The following RBMS3 variants were observed in gnomAD, a reference collection of about 807,000 sequenced individuals.
The protein encoded by RBMS3 is RNA binding motif single stranded interacting protein 3, also known as RNA-binding motif, single-stranded-interacting protein 3.
A neutral mutation model predicts 66.8 loss-of-function variants in RBMS3; 27 were observed. The ratio of observed to expected loss-of-function variants is 0.40; its 90% CI spans 0.30 to 0.56. The LOEUF is 0.56. Ranked by LOEUF, RBMS3 falls within the 20% of genes least tolerant of loss-of-function variation. The probability of loss-of-function intolerance (pLI) is 0.40; values close to 1 mark genes in which losing one functional copy is unlikely to be tolerated. For synonymous variants in RBMS3, 188 were observed against 183.0 expected (o/e 1.03, Z -0.22); for missense variants, 513 against 549.5 (o/e 0.93, Z 0.66).
At chr3:29,581,800 G>A (rs1047214490) in intron 3 of RBMS3, among the ~76,000 whole-genome samples, 2 of 152,134 alleles carry the variant, frequency 1.3e-5, no homozygotes, top group Non-Finnish European at 2.9e-5. Flanking sequence ...TACACTCTGA[G>A]AGCAAGTCTC....
chr3:29,988,049 G>T, intron 12 of RBMS3, 94 bp from the exon 13 acceptor site: 3 of 983,236 alleles, frequency 3.1e-6, no homozygotes, highest in Non-Finnish European at 4.7e-6. Flanking sequence ...CTGGCTATGG[G>T]CCCCATAGCT....
intron 3 of RBMS3, among the ~76,000 whole-genome samples, chr3:29,496,926 T>C (rs1231408037): frequency 6.6e-6 from 1 of 152,228 alleles, no homozygotes; most frequent in African/African-American, 2.4e-5. Flanking sequence ...GTTTTAAGCA[T>C]CAACTTGTGT....
At chr3:29,964,326 A>G (rs1017640489) in intron 12 of RBMS3, among the ~76,000 whole-genome samples, 5 of 152,198 alleles carry the variant, frequency 3.3e-5, no homozygotes, top group Non-Finnish European at 5.9e-5. Flanking sequence ...GAGGACTCCA[A>G]CGTTTATTAA....
chr3:29,634,192 G>A (rs1181620375), intron 4 of RBMS3, among the ~76,000 whole-genome samples: 2 of 151,850 alleles, frequency 1.3e-5, no homozygotes, highest in African/African-American at 4.8e-5. Context: ...CTTTGAGGTG[G>A]ATTTTTACTA....
chr3:29,427,197 C>A (rs1051644204), intron 1 of RBMS3, among the ~76,000 whole-genome samples: 5 of 152,152 alleles, frequency 3.3e-5, no homozygotes, highest in African/African-American at 1.2e-4. Context: ...CAAACTGTTA[C>A]AAAAGACATA....
chr3:29,349,727 C>G (rs1264198475), intron 1 of RBMS3, among the ~76,000 whole-genome samples: 1 of 152,198 alleles, frequency 6.6e-6, no homozygotes, highest in Non-Finnish European at 1.5e-5. Flanking sequence ...TGTCTGCTGT[C>G]TGTTTTATCT....
chr3:29,932,951 C>A (rs908839276), intron 10 of RBMS3, among the ~76,000 whole-genome samples: 1 of 152,170 alleles, frequency 6.6e-6, no homozygotes, highest in African/African-American at 2.4e-5. Context: ...TAAAAAGGAC[C>A]AGACCTTTCC....
At chr3:29,290,608 AAAATTCTGATGTCC>A (rs2032733738) in intron 1 of RBMS3, 1 of 151,886 alleles carries the variant, frequency 6.6e-6, no homozygotes, top group African/African-American at 2.4e-5. Context: ...TGGAAAGGAT[AAAATTCTGATGTCC>A]TTTTCTCAAT....
chr3:29,700,644 G>C (rs933141000), intron 4 of RBMS3, among the ~76,000 whole-genome samples: 10 of 151,726 alleles, frequency 6.6e-5, no homozygotes, highest in African/African-American at 2.4e-4. Context: ...AGGTGCAAAA[G>C]AGGGAATCCT....
intron 4 of RBMS3, among the ~76,000 whole-genome samples, chr3:29,627,003 C>A (rs977885400): frequency 2.0e-5 from 3 of 152,094 alleles, no homozygotes; most frequent in African/African-American, 7.2e-5. Context: ...TTGCTACCCT[C>A]GTTCTGTCAC....
chr3:29,828,224 T>C (rs2058260935), intron 6 of RBMS3, among the ~76,000 whole-genome samples: 1 of 152,178 alleles, frequency 6.6e-6, no homozygotes, highest in African/African-American at 2.4e-5. Flanking sequence ...CAAGGAGCCC[T>C]GAGTTGCCAC....
chr3:29,970,939 C>T lies in RBMS3; in HGVS notation c.1099-17204C>T, dbSNP rs72496952. 8.5e-3 allele frequency among the ~76,000 whole-genome samples: 1,289 copies of T among 152,128 alleles called. 85 individuals are homozygous for T. In the East Asian group the frequency reaches 0.17, roughly 20 times the overall value. ...GCTTCACCAAAGTGGAATTTCAGGC[C>T]CATACCACTCATGGGCTCCTCTCTC... is the stretch of plus-strand genomic sequence containing the variant. On this transcript the variant is annotated intron_variant, in intron 12 of 14. Transcript: ENST00000383767.
chr3:29,308,975 A>G (rs1292507723), intron 1 of RBMS3, among the ~76,000 whole-genome samples: 1 of 151,746 alleles, frequency 6.6e-6, no homozygotes, highest in Admixed American at 6.6e-5. Context: ...TGGTTAAGAC[A>G]GTAGAGCTAA....
chr3:29,964,964 T>C (rs911172880), intron 12 of RBMS3, among the ~76,000 whole-genome samples: 1 of 152,168 alleles, frequency 6.6e-6, no homozygotes, highest in Non-Finnish European at 1.5e-5. Context: ...AGTGAGAACA[T>C]AACATGTTTG....
At chr3:29,891,843 C>T (rs2060008307) in intron 8 of RBMS3, among the ~76,000 whole-genome samples, 1 of 151,362 alleles carries the variant, frequency 6.6e-6, no homozygotes, top group African/African-American at 2.4e-5. Context: ...TAAAAATGAC[C>T]AATACCTTAT....
intron 6 of RBMS3, among the ~76,000 whole-genome samples, chr3:29,804,920 C>CTT (rs2057497270): frequency 6.8e-6 from 1 of 146,328 alleles, no homozygotes; most frequent in Non-Finnish European, 1.5e-5. Flanking sequence ...TCTGCGTGTA[C>CTT]GTGTGTGTGT....
At chr3:29,584,583 G>T (rs1332686866) in intron 3 of RBMS3, among the ~76,000 whole-genome samples, 1 of 151,960 alleles carries the variant, frequency 6.6e-6, no homozygotes, top group African/African-American at 2.4e-5. Context: ...TCCCCTGCTG[G>T]TTCTTCCTTG....
At position 29,936,086 on chromosome 3, in the gene RBMS3, G is replaced by A; in HGVS notation, c.940G>A (p.Gly314Ser). ...PHPPYVMQPT[G>S]AVITPTMDHP... Reference sequence around the variant, plus strand: ...AAATGGACATTGTATATGCTTGTAGGGTGCTGTGATTACACCAACCATGGA... The same window carrying A: ...AAATGGACATTGTATATGCTTGTAGAGTGCTGTGATTACACCAACCATGGA... The change falls in exon 11 of 15, where the codon GGT becomes AGT. Residue 314 changes from glycine to serine, a missense_variant and splice_region_variant. Transcript: ENST00000383767. 2 of 1,611,764 alleles carry A rather than the reference G, an allele frequency of 1.2e-6. No individual in the cohort carries two copies. Among genetic ancestry groups the A allele is most frequent in the African/African-American group, 1.3e-5 (1 of 74,986 alleles).
chr3:29,958,124 A>G (rs1696168372), intron 12 of RBMS3, among the ~76,000 whole-genome samples: 1 of 152,190 alleles, frequency 6.6e-6, no homozygotes, highest in Admixed American at 6.5e-5. Context: ...TCAGCCATGA[A>G]CAAACAAGGC....
Sources: gnomAD v4.1 joint callset for allele counts (sites outside exome capture counted in the v4.1 genomes callset) on GRCh38, gnomAD v4.1.1 for gene constraint, MANE v1.5 for transcripts, NCBI Gene and HGNC (gene_info 2026-07-23, HGNC 2026-07-21) for gene names.